Variants in IARS2 observed in about 807,000 individuals in gnomAD.
IARS2 encodes the protein isoleucyl-tRNA synthetase 2, mitochondrial, also known as isoleucine--tRNA ligase, mitochondrial.
IARS2 carries 56 observed loss-of-function variants against 126.3 expected under a neutral mutation model. The ratio of observed to expected loss-of-function variants is 0.44; its 90% CI spans 0.36 to 0.55. IARS2 has a LOEUF of 0.55. IARS2 is among the 20% of genes least tolerant of loss of function. IARS2 has a pLI of 0.00. For missense variants in IARS2, 1,127 were observed against 1,245.9 expected, an observed-to-expected ratio of 0.90 and a Z score of 1.44; for synonymous variants, 407 against 441.1, an observed-to-expected ratio of 0.92 and a Z score of 0.97.
In IARS2 at chr1:220,147,668, G is replaced by A; in HGVS notation, c.*33G>A. ...AGCTCACTCGAGCAAGAACCCTCCT[G>A]ACAGTACTGGCTAGAAGTTTGGATG... On this transcript the variant is annotated 3_prime_UTR_variant, in exon 23 of 23. Transcript: ENST00000366922. The A allele has an allele frequency of 6.2e-7, 1 of 1,610,416 alleles. No homozygotes were observed. Among genetic ancestry groups the A allele is most frequent in the Non-Finnish European group, 8.5e-7 (1 of 1,177,440 alleles).
intron 8 of IARS2, among the ~76,000 whole-genome samples, chr1:220,105,637 C>G (rs1656663470): frequency 6.6e-6 from 1 of 152,142 alleles, no homozygotes; most frequent in Admixed American, 6.5e-5. Flanking sequence ...GTGGTAGATG[C>G]AGTAAGTATC....
At chr1:220,146,757 C>T (rs1211519471) in intron 22 of IARS2, among the ~76,000 whole-genome samples, 14 of 152,102 alleles carry the variant, frequency 9.2e-5, no homozygotes, top group African/African-American at 2.9e-4. Context: ...CCGCAACCTC[C>T]GCCTCCCAGA....
Position 220,136,594 on chromosome 1 carries a change from A to G in IARS2, c.1947-215A>G, listed in dbSNP as rs557785501. 6.9e-5 allele frequency among the ~76,000 whole-genome samples: 10 copies of G among 144,518 alleles called. No individual in the cohort carries two copies. The East Asian group carries it at 1.3e-3, about 18-fold the overall frequency. 94.8% of individuals were successfully genotyped at this position (144,518 alleles called of 152,430 possible). A position where few individuals can be genotyped will look rare whatever the true frequency, so the allele number is the denominator to read the frequency against. On this transcript the variant is annotated intron_variant, in intron 15 of 22. Transcript: ENST00000366922. ...GGTTGCAGTGAGCCGACATCATGCC[A>G]CTGCACTGCAGCCTGGGCAACAAGA...
At chr1:220,097,818 C>G (rs1179765625) in intron 2 of IARS2, among the ~76,000 whole-genome samples, 1 of 152,150 alleles carries the variant, frequency 6.6e-6, no homozygotes, top group Non-Finnish European at 1.5e-5. Flanking sequence ...GCAGAGGGAG[C>G]CAGCTCCATG....
rs1436632992 is a variant in IARS2 at position 220,094,399 on chromosome 1, G to C, written c.183G>C (p.Arg61=). ...HQPNSNSGRY[R]DTVLLPQTSF... is the part of the protein sequence containing the mutation. ...CGAACTCGAATAGTGGCAGATACCGGGACACGGTGCTGCTGCCGCAGACGA... is the reference window on the plus strand; with the variant it reads ...CGAACTCGAATAGTGGCAGATACCGCGACACGGTGCTGCTGCCGCAGACGA... The change falls in exon 1 of 23, where the codon CGG becomes CGC. Residue 61 remains arginine, a synonymous_variant. Coordinates refer to ENST00000366922, the MANE Select transcript of IARS2 (RefSeq NM_018060.4). 6.2e-7 allele frequency: 1 copy of C among 1,612,152 alleles called. No individual in the cohort carries two copies.
intron 21 of IARS2, chr1:220,144,179 C>T: frequency 6.3e-6 from 5 of 789,656 alleles, no homozygotes; most frequent in Non-Finnish European, 2.3e-6. Context: ...ATTTTCCCAG[C>T]TCTGTGACCA....
At chr1:220,137,411 G>C (rs1657398688) in intron 16 of IARS2, among the ~76,000 whole-genome samples, 1 of 152,150 alleles carries the variant, frequency 6.6e-6, no homozygotes, top group Non-Finnish European at 1.5e-5. Flanking sequence ...TCAAATCTGA[G>C]GTTGCTGATA....
At chr1:220,131,551 A>T (rs1273381732) in intron 14 of IARS2, among the ~76,000 whole-genome samples, 1 of 151,952 alleles carries the variant, frequency 6.6e-6, no homozygotes, top group Non-Finnish European at 1.5e-5. Flanking sequence ...GGGTTTCTCC[A>T]TGTTGGTCAG....
intron 14 of IARS2, among the ~76,000 whole-genome samples, chr1:220,131,532 G>A (rs1184279948): frequency 6.6e-6 from 1 of 151,864 alleles, no homozygotes; most frequent in African/African-American, 2.4e-5. Flanking sequence ...TGTATTTTTA[G>A]TAGAGACGGG....
Position 220,135,047 on chromosome 1 carries a change from C to T in IARS2, c.1946+537C>T, listed in dbSNP as rs572139608. ...CCTCCCAAAGTGGTAGGATTATAGG[C>T]GTGAGCCACCATGCCTGGCCTAGAA... On this transcript the variant is annotated intron_variant, in intron 15 of 22. Coordinates refer to ENST00000366922, the MANE Select transcript of IARS2 (RefSeq NM_018060.4). 1.2e-4 allele frequency among the ~76,000 whole-genome samples: 19 copies of T among 152,212 alleles called. No individual in the cohort carries two copies. In the South Asian group the frequency reaches 2.1e-3, roughly 17 times the overall value.
intron 15 of IARS2, among the ~76,000 whole-genome samples, 175 bp from the exon 16 acceptor site, chr1:220,136,634 C>CAAAAAAA (rs775927970): frequency 1.6e-5 from 1 of 63,112 alleles, no homozygotes; most frequent in Non-Finnish European, 3.2e-5. Flanking sequence ...GACTCCATCT[C>CAAAAAAA]AAAAAAAAAA....
At position 220,102,504 on chromosome 1, in the gene IARS2, G is replaced by A. The variant is rs1179588487; in HGVS notation, c.759G>A (p.Leu253=). The change falls in exon 6 of 23, where the codon TTG becomes TTA. Residue 253 remains leucine, a synonymous_variant. Coordinates refer to ENST00000366922, the MANE Select transcript of IARS2 (RefSeq NM_018060.4). The stretch of plus-strand genomic sequence containing the variant: ...TATTTTTAACCCTTAGGACTGCATT[G>A]GCTGAAGCAGAACTTGAATATAATC... The part of the protein sequence containing the change: ...VFWSPSSRTA[L]AEAELEYNPE... 1 of 1,613,544 alleles carries A rather than the reference G, an allele frequency of 6.2e-7. No homozygotes were observed. The highest frequency in any genetic ancestry group is 8.5e-7 in the Non-Finnish European group (1 of 1,179,714).
At chr1:220,107,289 A>G in intron 10 of IARS2, 138 bp downstream of exon 10, 1 of 627,950 alleles carries the variant, frequency 1.6e-6, no homozygotes. Context: ...ATGTTTTAAA[A>G]TGGAGTTTGG....
chr1:220,141,758 A>G lies in IARS2; in HGVS notation c.2415-45A>G, dbSNP rs1408124218. 3 of 1,597,556 alleles carry G rather than the reference A, an allele frequency of 1.9e-6. No individual in the cohort carries two copies. The African/African-American group carries it at 4.0e-5, about 21-fold the overall frequency. On this transcript the variant is annotated intron_variant, in intron 19 of 22. Coordinates refer to ENST00000366922, the MANE Select transcript of IARS2 (RefSeq NM_018060.4). ...GGCAGGTCCCATCTAGGTGACCATA[A>G]TGTATAAAGTATTGTCAACTGCTGA... is the stretch of plus-strand genomic sequence containing the variant.
At chr1:220,118,801 A>T (rs772814442) in intron 12 of IARS2, among the ~76,000 whole-genome samples, 1 of 152,094 alleles carries the variant, frequency 6.6e-6, no homozygotes, top group African/African-American at 2.4e-5. Context: ...TCAGTTAACA[A>T]TAATAAACCT....
intron 14 of IARS2, among the ~76,000 whole-genome samples, chr1:220,131,988 G>A (rs144311252): frequency 2.7e-4 from 41 of 151,678 alleles, no homozygotes; most frequent in Middle Eastern, 3.4e-3. Context: ...TAGTAGAGAC[G>A]GGTTTCACCA....
At chr1:220,117,882 G>A (rs1333471638) in intron 12 of IARS2, 3 of 527,298 alleles carry the variant, frequency 5.7e-6, no homozygotes, top group South Asian at 4.3e-5. Context: ...CAGAATATTG[G>A]CCTAAAGAAA....
chr1:220,095,779 G>T (rs903173793), intron 1 of IARS2, among the ~76,000 whole-genome samples: 4 of 152,198 alleles, frequency 2.6e-5, no homozygotes, highest in Admixed American at 2.6e-4. Context: ...CAACATGTCG[G>T]GGGTGAGGAG....
intron 20 of IARS2, 133 bp from the exon 21 acceptor site, chr1:220,142,811 C>T: frequency 2.0e-6 from 1 of 507,582 alleles, no homozygotes; most frequent in Non-Finnish European, 3.3e-6. Flanking sequence ...AGGATGGATC[C>T]ATAATATTTC....
Sources: gnomAD v4.1 joint callset for allele counts (sites outside exome capture counted in the v4.1 genomes callset) on GRCh38, gnomAD v4.1.1 for gene constraint, MANE v1.5 for transcripts, NCBI Gene and HGNC (gene_info 2026-07-23, HGNC 2026-07-21) for gene names.